CELF2: variants seen among roughly 807,000 people sequenced by gnomAD.
CELF2 encodes CUGBP Elav-like family member 2.
Under a neutral mutation model 62.6 loss-of-function variants are expected in CELF2, and 8 were observed. The observed-to-expected ratio is 0.13, with a 90% CI of 0.07 to 0.23. CELF2 has a LOEUF of 0.23. Among genes scored for constraint, CELF2 ranks in the 10% least tolerant of loss-of-function variants. The pLI is 1.00. For synonymous variants in CELF2, 258 were observed against 250.0 expected (o/e 1.03, Z -0.30); for missense variants, 333 against 671.0 (o/e 0.50, Z 5.56).
Position 11,255,058 on chromosome 10 carries a change from AC to A in CELF2, c.404-2679del, listed in dbSNP as rs949035293. On this transcript the variant is annotated intron_variant, in intron 4 of 12. Coordinates refer to ENST00000633077, the MANE Select transcript of CELF2 (RefSeq NM_001326342.2). The surrounding 1 kb of genome is among the most constrained non-coding windows in gnomAD (Gnocchi z 5.5). ...CAGGTGGTGTGGACGGCCTGCAGGT[AC>A]ACTCGTTGCCCAGGGTATCTGGTGT... 5.3e-5 allele frequency among the ~76,000 whole-genome samples: 8 copies of A among 152,186 alleles called. No individual in the cohort carries two copies. The highest frequency in any genetic ancestry group is 1.9e-4 in the African/African-American group (8 of 41,448).
At chr10:10,917,568 T>A (rs1158395331) in intron 1 of CELF2, among the ~76,000 whole-genome samples, 2 of 152,158 alleles carry the variant, frequency 1.3e-5, no homozygotes, top group African/African-American at 4.8e-5. Flanking sequence ...CTCAAACTCC[T>A]GGGCTCAAGC....
chr10:11,203,195 G>A (rs930870552), intron 2 of CELF2, among the ~76,000 whole-genome samples: 4 of 152,036 alleles, frequency 2.6e-5, no homozygotes, highest in African/African-American at 4.8e-5. Context: ...ATTGATGGGC[G>A]GCGTGCTCTT....
intron 9 of CELF2, among the ~76,000 whole-genome samples, chr10:11,293,997 G>A (rs1327072668): frequency 1.3e-5 from 2 of 152,146 alleles, no homozygotes; most frequent in Admixed American, 6.5e-5. Flanking sequence ...AACCAAACCT[G>A]CAATTTGGTT....
the CELF2 span, among the ~76,000 whole-genome samples, chr10:10,725,416 C>A: frequency 2.6e-5 from 4 of 152,096 alleles, no homozygotes; most frequent in African/African-American, 9.7e-5. Flanking sequence ...GGGATTGTGA[C>A]GGGTGAAGAA....
chr10:10,544,210 A>G, the CELF2 span, among the ~76,000 whole-genome samples: 1 of 152,230 alleles, frequency 6.6e-6, no homozygotes, highest in Non-Finnish European at 1.5e-5. Flanking sequence ...GCACAAACAG[A>G]GAAGCAAATT....
rs192675134 is a variant in CELF2 at position 11,097,642 on chromosome 10, C to T, written c.75-67844C>T. ...ATCTTTGACCTTATACTTCTGAAAA[C>T]CAAGTTTTTGTCTCTATTCTTTGTC... On this transcript the variant is annotated intron_variant, in intron 1 of 12. Transcript: ENST00000633077. Among the ~76,000 whole-genome samples the T allele has an allele frequency of 2.3e-3, 346 of 152,292 alleles. 5 individuals carry two copies. The highest frequency in any genetic ancestry group is 7.8e-3 in the African/African-American group (324 of 41,540).
At chr10:10,698,717 G>A in the CELF2 span, among the ~76,000 whole-genome samples, 1,356 of 152,122 alleles carry the variant, frequency 8.9e-3, 22 homozygotes, top group African/African-American at 0.031. Context: ...TTCTCATAGC[G>A]GTCATCGATT....
the CELF2 span, among the ~76,000 whole-genome samples, chr10:10,485,332 T>C: frequency 1.3e-5 from 2 of 152,230 alleles, no homozygotes; most frequent in African/African-American, 4.8e-5. Context: ...TCTTCTCTAA[T>C]AAACAGTTCT....
the CELF2 span, among the ~76,000 whole-genome samples, chr10:10,473,100 G>T: frequency 6.6e-6 from 1 of 152,058 alleles, no homozygotes; most frequent in African/African-American, 2.4e-5. Context: ...AATTTCCATT[G>T]TCTAACAATG....
the CELF2 span, among the ~76,000 whole-genome samples, chr10:10,650,005 T>G: frequency 1.3e-5 from 2 of 152,154 alleles, no homozygotes; most frequent in Non-Finnish European, 2.9e-5. Flanking sequence ...CTGCTCATTC[T>G]GTGTGGATGG....
chr10:10,799,104 C>G (rs1476860692), intron 1 of CELF2, among the ~76,000 whole-genome samples: 1 of 152,120 alleles, frequency 6.6e-6, no homozygotes, highest in Non-Finnish European at 1.5e-5. Flanking sequence ...TGGAAGGAAT[C>G]CTCATATTGA....
At chr10:10,842,442 C>G (rs1414148477) in intron 1 of CELF2, among the ~76,000 whole-genome samples, 1 of 151,926 alleles carries the variant, frequency 6.6e-6, no homozygotes. Flanking sequence ...AATATATGCT[C>G]TTTATCAAAT....
At chr10:11,218,461 T>C (rs1307688972) in intron 3 of CELF2, among the ~76,000 whole-genome samples, 1 of 152,200 alleles carries the variant, frequency 6.6e-6, no homozygotes, top group African/African-American at 2.4e-5. Flanking sequence ...CACATAACCA[T>C]TGAACCACCA....
At chr10:10,814,849 G>A (rs1030050871) in intron 1 of CELF2, among the ~76,000 whole-genome samples, 3 of 152,158 alleles carry the variant, frequency 2.0e-5, no homozygotes, top group Admixed American at 2.0e-4. Flanking sequence ...TCGAATTTTG[G>A]TGAGGCTTTC....
At chr10:10,964,885 G>C (rs934714883) in intron 2 of CELF2, among the ~76,000 whole-genome samples, 1 of 151,942 alleles carries the variant, frequency 6.6e-6, no homozygotes, top group Non-Finnish European at 1.5e-5. Context: ...TTACGAATTA[G>C]CTATGAAGAG....
At chr10:10,597,505 C>G in the CELF2 span, among the ~76,000 whole-genome samples, 1 of 151,784 alleles carries the variant, frequency 6.6e-6, no homozygotes, top group African/African-American at 2.4e-5. Context: ...CATTTCTAGG[C>G]AAGCACAAAT....
chr10:10,634,870 C>T, the CELF2 span, among the ~76,000 whole-genome samples: 1 of 152,000 alleles, frequency 6.6e-6, no homozygotes, highest in Admixed American at 6.6e-5. Context: ...CCCATGTTCC[C>T]CAGGATGGCC....
At chr10:11,134,329 C>T (rs1035370848) in intron 1 of CELF2, among the ~76,000 whole-genome samples, 4 of 152,170 alleles carry the variant, frequency 2.6e-5, no homozygotes, top group East Asian at 1.9e-4. Flanking sequence ...TCTGTAGTTG[C>T]GCATCTTCAC....
At chr10:10,494,691 C>T in the CELF2 span, among the ~76,000 whole-genome samples, 1 of 152,126 alleles carries the variant, frequency 6.6e-6, no homozygotes, top group South Asian at 2.1e-4. Flanking sequence ...GTTTTTTGAG[C>T]ATCTGTTCTG....
Sources: gnomAD v4.1 joint callset for allele counts (sites outside exome capture counted in the v4.1 genomes callset) on GRCh38, gnomAD v4.1.1 for gene constraint, Gnocchi (gnomAD v3.1) non-coding constraint, MANE v1.5 for transcripts, NCBI Gene and HGNC (gene_info 2026-07-23, HGNC 2026-07-21) for gene names.